Variants in ZC3H13 observed in about 807,000 individuals in gnomAD.
ZC3H13 encodes zinc finger CCCH domain-containing protein 13.
In ZC3H13, 64 loss-of-function variants were observed where a neutral mutation model predicts 204.1. The observed-to-expected ratio is 0.31, with a 90% CI of 0.26 to 0.39. The LOEUF (loss-of-function observed/expected upper bound fraction) is 0.39, where lower values mean the gene tolerates loss of function less well. Among genes scored for constraint, ZC3H13 ranks in the 10% least tolerant of loss-of-function variants. ZC3H13 has a pLI of 1.00. For synonymous variants in ZC3H13, 667 were observed against 693.7 expected (o/e 0.96, Z 0.60); for missense variants, 1,833 against 2,082.7 (o/e 0.88, Z 2.33).
intron 11 of ZC3H13, among the ~76,000 whole-genome samples, chr13:45,978,687 C>G (rs1360137259): frequency 6.6e-6 from 1 of 151,578 alleles, no homozygotes; most frequent in African/African-American, 2.4e-5. Flanking sequence ...CTATTGAATT[C>G]AGGCATGAGA....
intron 7 of ZC3H13, among the ~76,000 whole-genome samples, chr13:46,006,610 C>G (rs1001811305): frequency 2.0e-5 from 3 of 148,046 alleles, no homozygotes; most frequent in African/African-American, 7.5e-5. Flanking sequence ...ACTAATCTCA[C>G]TATCTACTGA....
chr13:46,024,221 G>A (rs1238361256), intron 4 of ZC3H13, among the ~76,000 whole-genome samples: 1 of 64,600 alleles, frequency 1.5e-5, no homozygotes, highest in East Asian at 5.6e-4. Flanking sequence ...CTACACTTTT[G>A]ATAACTTCAG....
intron 12 of ZC3H13, 125 bp downstream of exon 12, chr13:45,975,158 A>C (rs1952914295): frequency 7.0e-7 from 1 of 1,429,366 alleles, no homozygotes; most frequent in Non-Finnish European, 9.3e-7. Context: ...AAATTTGAAA[A>C]ACAGGAAAAT....
intron 8 of ZC3H13, chr13:46,001,216 T>A (rs2040721173): frequency 6.6e-6 from 1 of 152,176 alleles, no homozygotes; most frequent in Admixed American, 6.6e-5. Context: ...GCCACAAACC[T>A]TCCATTTGTA....
At chr13:45,997,021 C>T (rs562561854) in intron 8 of ZC3H13, among the ~76,000 whole-genome samples, 8 of 152,046 alleles carry the variant, frequency 5.3e-5, no homozygotes, top group Admixed American at 1.3e-4. Flanking sequence ...GAGTAGGTCA[C>T]GGAAAGTTTA....
At chr13:46,036,825 TCTC>T (rs912420669) in intron 4 of ZC3H13, among the ~76,000 whole-genome samples, 3 of 151,982 alleles carry the variant, frequency 2.0e-5, no homozygotes, top group Admixed American at 6.6e-5. Context: ...CTCAAGTAAT[TCTC>T]CTGGCTCAGC....
chr13:46,040,973 T>A (rs1236334838), intron 4 of ZC3H13, among the ~76,000 whole-genome samples: 11 of 152,098 alleles, frequency 7.2e-5, no homozygotes, highest in Admixed American at 5.9e-4. Flanking sequence ...AACTTTCATA[T>A]GCTGTCAACA....
chr13:45,964,683 G>A (rs945979620), intron 16 of ZC3H13, among the ~76,000 whole-genome samples: 3 of 151,952 alleles, frequency 2.0e-5, no homozygotes, highest in Admixed American at 1.3e-4. Context: ...TCAAAGAAAA[G>A]ATCCTCACTG....
intron 4 of ZC3H13, among the ~76,000 whole-genome samples, chr13:46,023,107 G>A (rs2042320186): frequency 6.6e-6 from 1 of 152,174 alleles, no homozygotes; most frequent in Non-Finnish European, 1.5e-5. Flanking sequence ...GGCTAAGAGA[G>A]TTGAGAACCA....
chr13:46,052,700 G>A lies in ZC3H13; in HGVS notation c.-306C>T, dbSNP rs997582215. 5 of 398,638 alleles carry A rather than the reference G, an allele frequency of 1.3e-5. No homozygotes were observed. Among genetic ancestry groups the A allele is most frequent in the African/African-American group, 2.1e-5 (1 of 48,748 alleles). 24.7% of individuals were successfully genotyped at this position (398,638 alleles called of 1,614,324 possible). A position where few individuals can be genotyped will look rare whatever the true frequency, so the allele number is the denominator to read the frequency against. On this transcript the variant is annotated 5_prime_UTR_variant, in exon 1 of 19. Transcript: ENST00000679008. Reference sequence around the variant, plus strand: ...AGAAAAGGCAACAAAAACACTACCAGGCCGCTAGGAGGACCGCCTCAAAAT... The same window carrying A: ...AGAAAAGGCAACAAAAACACTACCAAGCCGCTAGGAGGACCGCCTCAAAAT...
chr13:46,033,260 T>G (rs1407465206), intron 4 of ZC3H13, among the ~76,000 whole-genome samples: 2 of 152,086 alleles, frequency 1.3e-5, no homozygotes, highest in African/African-American at 4.8e-5. Flanking sequence ...TTTAACCACA[T>G]AGAGAAGACC....
chr13:46,042,766 C>T (rs2043678437), intron 3 of ZC3H13, among the ~76,000 whole-genome samples: 4 of 151,982 alleles, frequency 2.6e-5, no homozygotes, highest in Admixed American at 2.6e-4. Flanking sequence ...CTTGTATACA[C>T]ATGCCTGTGG....
intron 4 of ZC3H13, among the ~76,000 whole-genome samples, chr13:46,032,408 A>G (rs1182307063): frequency 6.6e-6 from 1 of 151,626 alleles, no homozygotes; most frequent in Admixed American, 6.6e-5. Flanking sequence ...GATACAGTAA[A>G]TTACCTGTAA....
At chr13:46,010,881 C>A (rs1307234110) in intron 6 of ZC3H13, among the ~76,000 whole-genome samples, 4 of 151,640 alleles carry the variant, frequency 2.6e-5, no homozygotes, top group Non-Finnish European at 4.4e-5. Context: ...AGATCTCATC[C>A]CTACAAAAAA....
intron 4 of ZC3H13, among the ~76,000 whole-genome samples, chr13:46,033,459 GAAT>G (rs1473964327): frequency 6.6e-6 from 1 of 152,064 alleles, no homozygotes; most frequent in Non-Finnish European, 1.5e-5. Context: ...TCAGGCAAAT[GAAT>G]AATGTCAACA....
In ZC3H13 at chr13:45,985,725, CTT is replaced by C. The variant is rs1187451122; in HGVS notation, c.1290_1291del (p.Glu432ArgfsTer5). On this transcript the variant is annotated frameshift_variant, in exon 10 of 19. Transcript: ENST00000679008. LOFTEE classifies it high-confidence loss of function. ...ATCCTGTTCATATTCTCGTTCTTCT[CTT>C]GAGTCCTTTTCTCTGTCTCGTTTGC... 1.9e-6 allele frequency: 3 copies of C among 1,612,678 alleles called. No homozygotes were observed. Among genetic ancestry groups the C allele is most frequent in the South Asian group, 2.2e-5 (2 of 90,938 alleles).
chr13:46,037,830 T>C (rs1238874728), intron 4 of ZC3H13, among the ~76,000 whole-genome samples: 1 of 152,238 alleles, frequency 6.6e-6, no homozygotes, highest in Non-Finnish European at 1.5e-5. Context: ...TCCAAAATCA[T>C]TGTCCTCTCA....
intron 6 of ZC3H13, 137 bp downstream of exon 6, chr13:46,011,278 G>T (rs1039484293): frequency 3.0e-5 from 17 of 565,254 alleles, no homozygotes; most frequent in South Asian, 4.4e-5. Flanking sequence ...AATATATATG[G>T]AGTAGTACAT....
intron 12 of ZC3H13, among the ~76,000 whole-genome samples, chr13:45,974,848 G>GA (rs1952884516): frequency 6.6e-6 from 1 of 151,758 alleles, no homozygotes; most frequent in African/African-American, 2.4e-5. Flanking sequence ...CTAGACAACT[G>GA]AAAAAACTTT....
Sources: gnomAD v4.1 joint callset for allele counts (sites outside exome capture counted in the v4.1 genomes callset) on GRCh38, gnomAD v4.1.1 for gene constraint, MANE v1.5 for transcripts, NCBI Gene and HGNC (gene_info 2026-07-23, HGNC 2026-07-21) for gene names.